Variants in FAT3 observed in about 807,000 individuals in gnomAD.
FAT3 encodes FAT atypical cadherin 3, also known as protocadherin Fat 3.
FAT3 carries 95 observed loss-of-function variants against 310.2 expected under a neutral mutation model. The observed-to-expected ratio is 0.31, with a 90% confidence interval of 0.26 to 0.36. The LOEUF is 0.36. FAT3 is among the 10% of genes least tolerant of loss of function. The pLI, the probability that FAT3 is intolerant of heterozygous loss-of-function variation, is 1.00. For synonymous variants in FAT3, 2,314 were observed against 2,192.9 expected (o/e 1.06, Z -1.54); for missense variants, 5,408 against 5,715.6 (o/e 0.95, Z 1.74).
In FAT3 at chr11:92,890,895, G is replaced by T. The variant is rs2136448041; in HGVS notation, c.13552G>T (p.Ala4518Ser). The T allele has an allele frequency of 6.2e-7, 1 of 1,614,000 alleles. No homozygotes were observed. The highest frequency in any genetic ancestry group is 8.5e-7 in the Non-Finnish European group (1 of 1,179,892). The change falls in exon 28 of 28, where the codon GCT becomes TCT. Residue 4518 changes from alanine to serine, a missense_variant. Transcript: ENST00000525166. ...TGCCAGCTGTGAATTTAGTACTTTT[G>T]CTGTGAGCATGAACCAGGGCACAGA... ...PPASCEFSTF[A>S]VSMNQGTEPT...
chr11:92,484,173 C>T (rs1565352094), intron 2 of FAT3, among the ~76,000 whole-genome samples: 1 of 152,212 alleles, frequency 6.6e-6, no homozygotes, highest in African/African-American at 2.4e-5. Context: ...AATTGGCCTT[C>T]TGTCTATGCT....
At chr11:92,754,651 T>A (rs1284468610) in intron 4 of FAT3, among the ~76,000 whole-genome samples, 161 of 48,766 alleles carry the variant, frequency 3.3e-3, no homozygotes, top group Middle Eastern at 0.011. Context: ...AAAAAGGAGA[T>A]AGAGACCATC....
At chr11:92,558,513 T>G (rs664938) in intron 3 of FAT3, among the ~76,000 whole-genome samples, 1 of 151,826 alleles carries the variant, frequency 6.6e-6, no homozygotes, top group African/African-American at 2.4e-5. Flanking sequence ...CTGTCCAATT[T>G]ATCTCTGGCA....
chr11:92,718,008 C>T (rs566205310), intron 4 of FAT3, among the ~76,000 whole-genome samples: 4 of 152,254 alleles, frequency 2.6e-5, no homozygotes, highest in African/African-American at 9.6e-5. Flanking sequence ...GAGGCTATTT[C>T]CATGCCCCCT....
chr11:92,569,380 A>G (rs1021133684), intron 3 of FAT3, among the ~76,000 whole-genome samples: 4 of 152,224 alleles, frequency 2.6e-5, no homozygotes, highest in Non-Finnish European at 4.4e-5. Flanking sequence ...AGTCTATGCA[A>G]TCACACATAA....
chr11:92,697,252 A>T, intron 3 of FAT3, 132 bp from the exon 4 acceptor site: 1 of 615,978 alleles, frequency 1.6e-6, no homozygotes, highest in Non-Finnish European at 2.8e-6. Flanking sequence ...GACCATTCTG[A>T]TTGTCATGGG....
chr11:92,428,777 C>T (rs536344620), intron 2 of FAT3, among the ~76,000 whole-genome samples: 14 of 152,086 alleles, frequency 9.2e-5, no homozygotes, highest in African/African-American at 2.9e-4. Flanking sequence ...TTTGCATTGC[C>T]GAGGAGTGTT....
chr11:92,513,798 T>TTGCAGTGAGCCGAGATCGCGC (rs1953387562), intron 2 of FAT3, among the ~76,000 whole-genome samples: 1 of 152,166 alleles, frequency 6.6e-6, no homozygotes, highest in Non-Finnish European at 1.5e-5. Flanking sequence ...TTTAATGGCC[T>TTGCAGTGAGCCGAGATCGCGC]CAGAGTCTCT....
chr11:92,716,346 G>A (rs1033983634), intron 4 of FAT3, among the ~76,000 whole-genome samples: 2 of 151,972 alleles, frequency 1.3e-5, no homozygotes, highest in Non-Finnish European at 2.9e-5. Flanking sequence ...ATGAAGTGAG[G>A]TGGTCATCCT....
chr11:92,707,541 C>G (rs1944391368), intron 4 of FAT3, among the ~76,000 whole-genome samples: 1 of 152,128 alleles, frequency 6.6e-6, no homozygotes, highest in African/African-American at 2.4e-5. Context: ...CTTCTACCTT[C>G]TTGGAGAAGA....
intron 2 of FAT3, among the ~76,000 whole-genome samples, chr11:92,443,177 T>C (rs999918261): frequency 3.3e-5 from 5 of 152,188 alleles, no homozygotes; most frequent in Non-Finnish European, 7.3e-5. Flanking sequence ...TCTAAGTCAA[T>C]GAGAGAAAAA....
At chr11:92,229,425 A>G (rs1023991244) in intron 1 of FAT3, among the ~76,000 whole-genome samples, 4 of 149,902 alleles carry the variant, frequency 2.7e-5, no homozygotes, top group Non-Finnish European at 5.9e-5. Context: ...TTTTCTGTCA[A>G]TTGCAGGGTA....
At position 92,490,690 on chromosome 11, in the gene FAT3, C is replaced by T. The variant is rs1000140208; in HGVS notation, c.3293-33944C>T. Among the ~76,000 whole-genome samples the T allele has an allele frequency of 5.9e-5, 9 of 152,068 alleles. 1 individual carries two copies. In the South Asian group the frequency reaches 1.7e-3, roughly 28 times the overall value. ...GAAGGAAAAAAGCTCAATTTTTATC[C>T]TGAGTTTTAAAAAATTAGACAGTAA... On this transcript the variant is annotated intron_variant, in intron 2 of 27. Transcript: ENST00000525166.
chr11:92,858,266 C>T (rs1390046490), intron 20 of FAT3, among the ~76,000 whole-genome samples: 1 of 152,176 alleles, frequency 6.6e-6, no homozygotes, highest in Non-Finnish European at 1.5e-5. Flanking sequence ...TGGATGCTTA[C>T]CTAAGTCATG....
At chr11:92,569,201 C>T (rs949397936) in intron 3 of FAT3, among the ~76,000 whole-genome samples, 2 of 152,150 alleles carry the variant, frequency 1.3e-5, no homozygotes, top group African/African-American at 4.8e-5. Context: ...ATACTAGCTC[C>T]GTGATCTTAT....
chr11:92,331,003 TGA>T (rs67328951), intron 1 of FAT3, among the ~76,000 whole-genome samples: 8,293 of 133,260 alleles, frequency 0.062, 226 homozygotes, highest in South Asian at 0.085. Flanking sequence ...TGTGTGTGTG[TGA>T]GAGAGAGAGA....
At chr11:92,607,279 T>A (rs1940345497) in intron 3 of FAT3, among the ~76,000 whole-genome samples, 2 of 148,512 alleles carry the variant, frequency 1.3e-5, no homozygotes. Context: ...CCCTGATAGG[T>A]AAAGTAGCCT....
chr11:92,399,147 A>G (rs1464884065), intron 2 of FAT3, among the ~76,000 whole-genome samples: 1 of 152,212 alleles, frequency 6.6e-6, no homozygotes, highest in African/African-American at 2.4e-5. Flanking sequence ...ACATATATAC[A>G]CATATTAAGA....
intron 22 of FAT3, among the ~76,000 whole-genome samples, chr11:92,878,020 A>G (rs1949572013): frequency 6.6e-6 from 1 of 152,238 alleles, no homozygotes; most frequent in Non-Finnish European, 1.5e-5. Context: ...TTGAACAATC[A>G]TAAGGCAGAG....
Sources: gnomAD v4.1 joint callset for allele counts (sites outside exome capture counted in the v4.1 genomes callset) on GRCh38, gnomAD v4.1.1 for gene constraint, MANE v1.5 for transcripts, NCBI Gene and HGNC (gene_info 2026-07-23, HGNC 2026-07-21) for gene names.